Variants in GALNT13 observed in about 807,000 individuals in gnomAD.
GALNT13 encodes polypeptide N-acetylgalactosaminyltransferase 13.
GALNT13 carries 28 observed loss-of-function variants against 64.2 expected under a neutral mutation model. The observed-to-expected ratio is 0.44, with a 90% CI of 0.32 to 0.60. The LOEUF (loss-of-function observed/expected upper bound fraction) is 0.60. Ranked by LOEUF, GALNT13 falls within the 20% of genes least tolerant of loss-of-function variation. GALNT13 has a pLI of 0.05. For missense variants in GALNT13, 577 were observed against 669.8 expected (o/e 0.86, Z 1.53); for synonymous variants, 214 against 224.6 (o/e 0.95, Z 0.42).
chr2:153,616,785 A>G, the GALNT13 span, among the ~76,000 whole-genome samples: 2,430 of 152,076 alleles, frequency 0.016, 64 homozygotes, highest in African/African-American at 0.055. Flanking sequence ...GTTCTGCAGT[A>G]TGAATGAATT....
chr2:154,384,092 G>A (rs1698400053), intron 9 of GALNT13, among the ~76,000 whole-genome samples: 2 of 151,874 alleles, frequency 1.3e-5, no homozygotes, highest in Non-Finnish European at 2.9e-5. Context: ...TTAAAAATTT[G>A]TGATTAAAAC....
chr2:154,245,061 T>TC, intron 6 of GALNT13, among the ~76,000 whole-genome samples: 1 of 151,358 alleles, frequency 6.6e-6, no homozygotes, highest in Non-Finnish European at 1.5e-5. Context: ...ATCTGAGATC[T>TC]CCCCACTGCA....
At chr2:153,330,424 T>G in the GALNT13 span, among the ~76,000 whole-genome samples, 1 of 152,190 alleles carries the variant, frequency 6.6e-6, no homozygotes, top group Non-Finnish European at 1.5e-5. Flanking sequence ...CATTTGTTTG[T>G]GTCATCTCTG....
chr2:153,408,952 A>G, the GALNT13 span, among the ~76,000 whole-genome samples: 3 of 152,086 alleles, frequency 2.0e-5, no homozygotes, highest in Non-Finnish European at 2.9e-5. Flanking sequence ...CAGCAGGCAG[A>G]AGAAGGTGGA....
chr2:153,942,793 G>A (rs1006838163), intron 2 of GALNT13, among the ~76,000 whole-genome samples: 1 of 152,076 alleles, frequency 6.6e-6, no homozygotes, highest in Non-Finnish European at 1.5e-5. Context: ...GGCGCTTTAT[G>A]TGAATTTTGA....
intron 4 of GALNT13, among the ~76,000 whole-genome samples, chr2:154,151,716 G>A (rs1189514743): frequency 6.6e-6 from 1 of 152,144 alleles, no homozygotes; most frequent in Non-Finnish European, 1.5e-5. Flanking sequence ...ATCTTTGTTG[G>A]TTTAAAGTCT....
the GALNT13 span, among the ~76,000 whole-genome samples, chr2:153,413,893 T>A: frequency 6.6e-6 from 1 of 152,168 alleles, no homozygotes; most frequent in Non-Finnish European, 1.5e-5. Context: ...TACCCACAAT[T>A]GATTCAGAAT....
the GALNT13 span, among the ~76,000 whole-genome samples, chr2:153,323,390 C>T: frequency 6.6e-6 from 1 of 151,894 alleles, no homozygotes; most frequent in African/African-American, 2.4e-5. Context: ...CAAATATTAG[C>T]CCTTTGTCAG....
intron 10 of GALNT13, among the ~76,000 whole-genome samples, chr2:154,397,487 T>G (rs934914024): frequency 6.6e-6 from 1 of 152,180 alleles, no homozygotes; most frequent in Admixed American, 6.5e-5. Flanking sequence ...AATTATCAAG[T>G]AAACATATTC....
chr2:154,056,380 T>G (rs149550430), intron 3 of GALNT13, among the ~76,000 whole-genome samples: 1 of 152,244 alleles, frequency 6.6e-6, no homozygotes, highest in African/African-American at 2.4e-5. Flanking sequence ...TCTTTATATT[T>G]TTAATCTAAA....
At chr2:154,223,711 ATTATC>A (rs1688443773) in intron 4 of GALNT13, among the ~76,000 whole-genome samples, 1 of 151,932 alleles carries the variant, frequency 6.6e-6, no homozygotes, top group South Asian at 2.1e-4. Flanking sequence ...TCATTTGGAA[ATTATC>A]TTATCTCAGG....
the GALNT13 span, among the ~76,000 whole-genome samples, chr2:153,205,157 T>G: frequency 6.6e-6 from 1 of 150,900 alleles, no homozygotes; most frequent in African/African-American, 2.4e-5. Flanking sequence ...ACCTCACTAT[T>G]AATACATGAA....
At chr2:154,198,884 A>G (rs1687022671) in intron 4 of GALNT13, among the ~76,000 whole-genome samples, 1 of 152,020 alleles carries the variant, frequency 6.6e-6, no homozygotes, top group Non-Finnish European at 1.5e-5. Flanking sequence ...TACAGTTACT[A>G]GAGTAATATA....
the GALNT13 span, among the ~76,000 whole-genome samples, chr2:153,497,356 T>C: frequency 2.0e-5 from 3 of 152,126 alleles, no homozygotes. Flanking sequence ...AATTCCTTTA[T>C]GAGCCTCTTC....
chr2:153,658,969 C>A, the GALNT13 span, among the ~76,000 whole-genome samples: 1,174 of 152,102 alleles, frequency 7.7e-3, 7 homozygotes, highest in Non-Finnish European at 0.012. Context: ...ATATTTAGAA[C>A]ACTGTACTCA....
intron 3 of GALNT13, among the ~76,000 whole-genome samples, chr2:154,085,700 CATAA>C (rs1425962640): frequency 2.0e-5 from 3 of 151,992 alleles, no homozygotes; most frequent in African/African-American, 7.2e-5. Context: ...AAGCTTTAGA[CATAA>C]ATAGAGTTCA....
the GALNT13 span, among the ~76,000 whole-genome samples, chr2:153,270,030 C>T: frequency 1.3e-5 from 2 of 152,138 alleles, no homozygotes; most frequent in African/African-American, 4.8e-5. Flanking sequence ...TATAAAAAGA[C>T]TTAATCTAGT....
chr2:153,541,098 A>G, the GALNT13 span, among the ~76,000 whole-genome samples: 1 of 152,098 alleles, frequency 6.6e-6, no homozygotes, highest in Non-Finnish European at 1.5e-5. Flanking sequence ...TGTAGCTCCT[A>G]TAATCCCCAG....
intron 1 of GALNT13, among the ~76,000 whole-genome samples, chr2:153,898,194 A>G (rs1325015809): frequency 6.6e-6 from 1 of 152,106 alleles, no homozygotes; most frequent in Non-Finnish European, 1.5e-5. Context: ...ACAATCTGAC[A>G]TGTTTATTAT....
Sources: allele counts gnomAD v4.1 joint callset (sites outside exome capture counted in the v4.1 genomes callset), GRCh38; gene constraint gnomAD v4.1.1; transcripts MANE v1.5; gene names NCBI Gene and HGNC (gene_info 2026-07-23, HGNC 2026-07-21).